SMG6: variants seen among roughly 807,000 people sequenced by gnomAD.
SMG6 encodes SMG6 nonsense mediated mRNA decay factor.
In SMG6, 66 loss-of-function variants were observed where a neutral mutation model predicts 142.2. The ratio of observed to expected loss-of-function variants is 0.46; its 90% CI spans 0.38 to 0.57. The LOEUF (loss-of-function observed/expected upper bound fraction) is 0.57, where lower values mean the gene tolerates loss of function less well. SMG6 is among the 20% of genes least tolerant of loss of function. The probability of loss-of-function intolerance (pLI) is 0.00; values close to 1 mark genes in which losing one functional copy is unlikely to be tolerated. For missense variants in SMG6, 1,793 were observed against 1,832.0 expected (o/e 0.98, Z 0.39); for synonymous variants, 779 against 702.4 (o/e 1.11, Z -1.72).
intron 13 of SMG6, among the ~76,000 whole-genome samples, chr17:2,167,066 G>C (rs766469051): frequency 2.0e-5 from 3 of 149,400 alleles, no homozygotes; most frequent in South Asian, 2.1e-4. Flanking sequence ...GGAGGCAGAG[G>C]GGGTGCAGTG....
chr17:2,175,820 T>C (rs919046548), intron 12 of SMG6, among the ~76,000 whole-genome samples: 7 of 152,238 alleles, frequency 4.6e-5, no homozygotes, highest in Admixed American at 1.3e-4. Flanking sequence ...GAGAGGTCAC[T>C]TCTGCTCTGG....
rs1045610864 is a variant in SMG6, at chr17:2,064,872, G to A, written c.4129+201C>T. On this transcript the variant is annotated intron_variant, in intron 18 of 18. Transcript: ENST00000263073. ...TCCTGGGCTAGGCTCATCTCTAGTTGGCCCAGGGTGCACCTGGCATTCCCT... is the reference window on the plus strand; with the variant it reads ...TCCTGGGCTAGGCTCATCTCTAGTTAGCCCAGGGTGCACCTGGCATTCCCT... 1.6e-4 allele frequency among the ~76,000 whole-genome samples: 24 copies of A among 152,056 alleles called. 1 individual carries two copies. Among genetic ancestry groups the A allele is most frequent in the African/African-American group, 5.8e-4 (24 of 41,386 alleles).
At chr17:2,244,509 G>A (rs2073886357) in intron 9 of SMG6, 149 bp downstream of exon 9, 2 of 634,212 alleles carry the variant, frequency 3.2e-6, no homozygotes, top group South Asian at 3.8e-5. Context: ...CAGTAGGACA[G>A]AAGATGAAGG....
chr17:2,248,658 A>C (rs920754866), intron 8 of SMG6, among the ~76,000 whole-genome samples: 1 of 152,232 alleles, frequency 6.6e-6, no homozygotes, highest in Non-Finnish European at 1.5e-5. Context: ...CCCTAACCTT[A>C]GTTAATGAGA....
intron 14 of SMG6, among the ~76,000 whole-genome samples, chr17:2,084,704 C>T (rs2068509890): frequency 6.6e-6 from 1 of 152,192 alleles, no homozygotes; most frequent in South Asian, 2.1e-4. Context: ...GGTGACCTGG[C>T]CCCTGGCTAG....
chr17:2,159,268 T>TA (rs991821772), intron 13 of SMG6, among the ~76,000 whole-genome samples: 4 of 151,928 alleles, frequency 2.6e-5, no homozygotes, highest in Admixed American at 6.6e-5. Context: ...TAAAAATATG[T>TA]AAAAAAATTA....
chr17:2,231,111 G>C (rs545006204), intron 10 of SMG6, among the ~76,000 whole-genome samples: 1 of 152,104 alleles, frequency 6.6e-6, no homozygotes, highest in Non-Finnish European at 1.5e-5. Flanking sequence ...CATACATTCT[G>C]CTTGGGTAAG....
intron 13 of SMG6, among the ~76,000 whole-genome samples, chr17:2,150,369 C>T (rs549505078): frequency 3.3e-5 from 5 of 152,314 alleles, no homozygotes; most frequent in South Asian, 2.1e-4. Context: ...TGGGGACCAC[C>T]GGTCTAGAGT....
Position 2,061,467 on chromosome 17 carries a change from G to GT in SMG6, c.*24_*25insA, listed in dbSNP as rs773744379. The GT allele has an allele frequency of 4.6e-4, 710 of 1,559,666 alleles. No homozygotes were observed. The highest frequency in any genetic ancestry group is 4.0e-4 in the Non-Finnish European group (460 of 1,151,430). ...GTGGCCTTTCAGGAACGGTTCCACG[G>GT]GGGGGGGGCCCCAGTGTGGCTCCCT... On this transcript the variant is annotated 3_prime_UTR_variant, in exon 19 of 19. Coordinates refer to ENST00000263073, the MANE Select transcript of SMG6 (RefSeq NM_017575.5).
rs573744652 is a variant in SMG6, at chr17:2,104,101, A to G, written c.3358-18200T>C. 7.2e-5 allele frequency among the ~76,000 whole-genome samples: 11 copies of G among 151,810 alleles called. No individual in the cohort carries two copies. In the South Asian group the frequency reaches 1.3e-3, roughly 17 times the overall value. On this transcript the variant is annotated intron_variant, in intron 13 of 18. Coordinates refer to ENST00000263073, the MANE Select transcript of SMG6 (RefSeq NM_017575.5). ...CGAGTAGCTGGGACTACAGGCGCCC[A>G]CCACCTCGCCCGGCTAATTTTTTGT...
chr17:2,199,798 C>G (rs2072457519), intron 10 of SMG6: 1 of 150,592 alleles, frequency 6.6e-6, no homozygotes. Context: ...GTCCCAGCTA[C>G]TTGGGAGGCT....
intron 8 of SMG6, among the ~76,000 whole-genome samples, chr17:2,246,537 C>T (rs2073931099): frequency 6.6e-6 from 1 of 152,232 alleles, no homozygotes; most frequent in Non-Finnish European, 1.5e-5. Context: ...TCTATTTTTG[C>T]TTTAAATGAG....
At chr17:2,103,587 C>A (rs1434100312) in intron 13 of SMG6, among the ~76,000 whole-genome samples, 1 of 152,160 alleles carries the variant, frequency 6.6e-6, no homozygotes, top group Non-Finnish European at 1.5e-5. Context: ...TTTTAATCAC[C>A]TGTTTAGTGT....
intron 13 of SMG6, among the ~76,000 whole-genome samples, chr17:2,104,676 A>G (rs750259808): frequency 1.3e-5 from 2 of 152,078 alleles, no homozygotes; most frequent in Non-Finnish European, 2.9e-5. Flanking sequence ...TGTGGTGTAG[A>G]TGAAGTGGTG....
chr17:2,095,898 C>T (rs974113734), intron 13 of SMG6, among the ~76,000 whole-genome samples: 1 of 141,398 alleles, frequency 7.1e-6, no homozygotes, highest in African/African-American at 2.6e-5. Flanking sequence ...TTCCCTAATC[C>T]GGAACTTCAA....
chr17:2,183,719 T>C (rs2071876148), intron 12 of SMG6, among the ~76,000 whole-genome samples: 1 of 151,006 alleles, frequency 6.6e-6, no homozygotes. Context: ...GGCCATGGTA[T>C]GCTGATCCCT....
intron 15 of SMG6, among the ~76,000 whole-genome samples, chr17:2,073,279 T>C (rs879342281): frequency 3.3e-5 from 5 of 151,996 alleles, no homozygotes; most frequent in Non-Finnish European, 5.9e-5. Flanking sequence ...AGATGGGGTT[T>C]CACCATGTTG....
chr17:2,070,474 GGGAA>G (rs2068070449), intron 15 of SMG6, among the ~76,000 whole-genome samples: 2 of 152,218 alleles, frequency 1.3e-5, no homozygotes, highest in Admixed American at 1.3e-4. Flanking sequence ...CACAGGGCTG[GGGAA>G]GTGGACGTGC....
Position 2,298,037 on chromosome 17 carries a change from T to C in SMG6, c.1866A>G (p.Leu622=), listed in dbSNP as rs369027012. ...TATCTAATAGAATACAGCGCTCATA[T>C]AGCTGCAGCAGTTCAGCTCTGGAAT... ...MAQLRAELLQ[L]YERCILLDIE... The change falls in exon 3 of 19, where the codon CTA becomes CTG. Residue 622 remains leucine (L), a synonymous_variant. Coordinates refer to ENST00000263073, the MANE Select transcript of SMG6 (RefSeq NM_017575.5). 2.6e-5 allele frequency: 42 copies of C among 1,608,558 alleles called. No homozygotes were observed. Among genetic ancestry groups the C allele is most frequent in the Non-Finnish European group, 3.5e-5 (41 of 1,178,704 alleles).
Sources: gnomAD v4.1 joint callset for allele counts (sites outside exome capture counted in the v4.1 genomes callset) on GRCh38, gnomAD v4.1.1 for gene constraint, MANE v1.5 for transcripts, NCBI Gene and HGNC (gene_info 2026-07-23, HGNC 2026-07-21) for gene names.